The following KLF8 variants were observed in gnomAD, a reference collection of about 807,000 sequenced individuals.
KLF8 encodes the protein KLF transcription factor 8, also known as Krueppel-like factor 8.
KLF8 carries 10 observed loss-of-function variants against 18.2 expected under a neutral mutation model. The observed-to-expected ratio is 0.55, with a 90% CI of 0.34 to 0.93. KLF8 has a LOEUF of 0.93. Among genes scored for constraint, KLF8 ranks in the 40% least tolerant of loss-of-function variants. KLF8 has a pLI of 0.02. For missense variants in KLF8, 264 were observed against 277.9 expected (o/e 0.95, Z 0.36); for synonymous variants, 109 against 97.3 (o/e 1.12, Z -0.71).
chrX:56,237,219 T>C lies in KLF8; in HGVS notation c.7+3878T>C, dbSNP rs750056085. ...GAGATAGGGCCTTTAGGAAAGAAAT[T>C]AAGGTTAGATGAGCTCATATTATAT... On this transcript the variant is annotated intron_variant, in intron 1 of 5. Coordinates refer to ENST00000468660, the MANE Select transcript of KLF8 (RefSeq NM_007250.5). 8.5e-3 allele frequency among the ~76,000 whole-genome samples: 882 copies of C among 103,294 alleles called. 17 individuals carry two copies. Among genetic ancestry groups the C allele is most frequent in the African/African-American group, 0.03 (841 of 28,094 alleles). The allele number at this position is 103,294 out of a possible 115,157, so 89.7% of individuals were successfully genotyped here.
At chrX:55,987,372 C>T in the KLF8 span, among the ~76,000 whole-genome samples, 19 of 109,584 alleles carry the variant, frequency 1.7e-4, no homozygotes, top group African/African-American at 5.3e-4. Flanking sequence ...CACAACAGGC[C>T]CCGGGGTGTG....
At chrX:55,909,936 A>G in the KLF8 span, among the ~76,000 whole-genome samples, 3 of 112,178 alleles carry the variant, frequency 2.7e-5, no homozygotes, top group Non-Finnish European at 3.8e-5. Flanking sequence ...CATCTCTTAC[A>G]TATTTGTCTC....
the KLF8 span, among the ~76,000 whole-genome samples, chrX:56,181,864 C>A: frequency 9.3e-6 from 1 of 107,123 alleles, no homozygotes; most frequent in Admixed American, 9.9e-5. Context: ...TTGTGGTTGA[C>A]CTGACCTTTC....
At chrX:56,233,426 A>C in intron 1 of KLF8, 85 bp downstream of exon 1, 1 of 734,860 alleles carries the variant, frequency 1.4e-6, no homozygotes, top group Non-Finnish European at 2.1e-6. Flanking sequence ...TGCTCCCCCC[A>C]CACACCCCAC....
the KLF8 span, among the ~76,000 whole-genome samples, chrX:56,166,444 A>T: frequency 2.7e-5 from 3 of 111,733 alleles, no homozygotes; most frequent in African/African-American, 9.8e-5. Flanking sequence ...AAGGCACATA[A>T]TGTCTTCATA....
the KLF8 span, among the ~76,000 whole-genome samples, chrX:56,186,521 C>T: frequency 4.4e-3 from 487 of 111,075 alleles, 5 homozygotes; most frequent in African/African-American, 0.015. Flanking sequence ...CTGCACCAAG[C>T]GGACCTAATA....
the KLF8 span, among the ~76,000 whole-genome samples, chrX:56,047,440 G>A: frequency 1.0e-4 from 9 of 86,644 alleles, no homozygotes; most frequent in South Asian, 1.9e-3. Flanking sequence ...AAAAGTCCCC[G>A]GTGTGTGATG....
At chrX:56,178,546 G>T in the KLF8 span, among the ~76,000 whole-genome samples, 2 of 112,251 alleles carry the variant, frequency 1.8e-5, no homozygotes, top group Non-Finnish European at 3.8e-5. Context: ...TTTTAGTCAG[G>T]AAGTCCTTGC....
the KLF8 span, among the ~76,000 whole-genome samples, chrX:56,080,310 T>C: frequency 3.6e-5 from 4 of 111,575 alleles, no homozygotes; most frequent in East Asian, 1.1e-3. Context: ...CCATGTTTAG[T>C]GCTTCCTTCA....
the KLF8 span, among the ~76,000 whole-genome samples, chrX:56,192,445 T>C: frequency 9.0e-6 from 1 of 111,622 alleles, no homozygotes; most frequent in Non-Finnish European, 1.9e-5. Context: ...AATGGCACTC[T>C]TTAGAGAAAT....
the KLF8 span, among the ~76,000 whole-genome samples, chrX:56,078,160 C>A: frequency 9.0e-6 from 1 of 111,610 alleles, no homozygotes; most frequent in East Asian, 2.8e-4. Flanking sequence ...TTGCCCTGGC[C>A]AGACCTTCCA....
the KLF8 span, among the ~76,000 whole-genome samples, chrX:56,162,896 C>A: frequency 9.0e-6 from 1 of 111,685 alleles, no homozygotes; most frequent in African/African-American, 3.3e-5. Context: ...TGTTCCTAAT[C>A]GGCCACCTTG....
At chrX:56,063,309 GC>G in the KLF8 span, among the ~76,000 whole-genome samples, 1 of 111,291 alleles carries the variant, frequency 9.0e-6, no homozygotes, top group South Asian at 3.8e-4. Context: ...GAATTTATCT[GC>G]CTTTGGTCTT....
chrX:56,265,108 T>C (rs1251204753), intron 2 of KLF8, 72 bp from the exon 3 acceptor site: 1 of 1,074,422 alleles, frequency 9.3e-7, no homozygotes, highest in Non-Finnish European at 1.2e-6. Flanking sequence ...GATTTCTTTT[T>C]TACATTGCTT....
At chrX:56,270,378 A>ACACACACC in intron 5 of KLF8, 57 bp downstream of exon 5, 1 of 958,688 alleles carries the variant, frequency 1.0e-6, no homozygotes, top group Non-Finnish European at 1.3e-6. Context: ...ACACACACAC[A>ACACACACC]CACGAGAGAG....
the KLF8 span, among the ~76,000 whole-genome samples, chrX:56,160,662 T>C: frequency 4.9e-4 from 55 of 111,858 alleles, no homozygotes; most frequent in African/African-American, 1.8e-3. Flanking sequence ...TTTGTCTCTT[T>C]TGATCTTTGC....
At chrX:55,945,834 A>G in the KLF8 span, among the ~76,000 whole-genome samples, 1 of 111,084 alleles carries the variant, frequency 9.0e-6, no homozygotes, top group Non-Finnish European at 1.9e-5. Context: ...AAGCATTCTT[A>G]TACACCAGTA....
the KLF8 span, among the ~76,000 whole-genome samples, chrX:56,033,801 A>T: frequency 8.9e-6 from 1 of 111,985 alleles, no homozygotes; most frequent in Non-Finnish European, 1.9e-5. Context: ...GGCCATTTGT[A>T]TGTCTTCTTT....
At chrX:56,189,251 C>G in the KLF8 span, among the ~76,000 whole-genome samples, 2 of 111,829 alleles carry the variant, frequency 1.8e-5, no homozygotes, top group African/African-American at 6.5e-5. Context: ...ATTTATGCAG[C>G]CAAAAAACAC....
Sources: gnomAD v4.1 joint callset for allele counts (sites outside exome capture counted in the v4.1 genomes callset) on GRCh38, gnomAD v4.1.1 for gene constraint, MANE v1.5 for transcripts, NCBI Gene and HGNC (gene_info 2026-07-23, HGNC 2026-07-21) for gene names.